The following GLMN variants were observed in gnomAD, a reference collection of about 807,000 sequenced individuals.
GLMN encodes glomulin, FKBP associated protein, also known as glomulin.
GLMN carries 75 observed loss-of-function variants against 87.8 expected under a neutral mutation model. The ratio of observed to expected loss-of-function variants is 0.85; its 90% CI spans 0.71 to 1.04. GLMN has a LOEUF of 1.04. GLMN is among the 50% of genes least tolerant of loss of function. The probability of loss-of-function intolerance (pLI) is 0.00; values close to 1 mark genes in which losing one functional copy is unlikely to be tolerated. For missense variants in GLMN, 588 were observed against 658.8 expected (o/e 0.89, Z 1.18); for synonymous variants, 206 against 221.6 (o/e 0.93, Z 0.63).
chr1:92,354,988 T>C, the GLMN span, among the ~76,000 whole-genome samples: 381 of 151,594 alleles, frequency 2.5e-3, 3 homozygotes, highest in South Asian at 9.4e-3. Flanking sequence ...AATCTCTGCC[T>C]CCCAGGCTCA....
chr1:92,303,216 A>G (rs1269512427), upstream of GLMN, among the ~76,000 whole-genome samples: 1 of 152,182 alleles, frequency 6.6e-6, no homozygotes, highest in East Asian at 1.9e-4. Flanking sequence ...GAACATGACA[A>G]TTCATATTTT....
chr1:92,266,597 A>G (rs1252145512), intron 12 of GLMN, 103 bp downstream of exon 12: 1 of 1,104,410 alleles, frequency 9.1e-7, no homozygotes, highest in East Asian at 2.6e-5. Flanking sequence ...GTACCTCCTA[A>G]ATAAAAATTT....
At position 92,289,026 on chromosome 1, in the gene GLMN, A is replaced by G; in HGVS notation, c.520T>C (p.Cys174Arg). The G allele has an allele frequency of 6.2e-7, 1 of 1,608,788 alleles. No individual in the cohort carries two copies. Residue 174 changes from cysteine to arginine, a missense_variant, in exon 6 of 19, where the codon TGT (cysteine) becomes CGT (arginine). Coordinates refer to ENST00000370360, the MANE Select transcript of GLMN (RefSeq NM_053274.3). Reference protein sequence around the residue: ...EQIQMDDYGLCQCCKALIEFT... With the variant: ...EQIQMDDYGLRQCCKALIEFT... ...TCTATTAAGGCCTTGCAACACTGAC[A>G]AAGGCCATAGTCATCCATTTGTATT... is the stretch of plus-strand genomic sequence containing the variant.
intron 11 of GLMN, 87 bp downstream of exon 11, chr1:92,267,826 A>T: frequency 1.3e-6 from 1 of 782,488 alleles, no homozygotes; most frequent in Non-Finnish European, 2.3e-6. Flanking sequence ...CAGAGAAAAG[A>T]GTGGGAAAGG....
At chr1:92,367,288 T>A in the GLMN span, among the ~76,000 whole-genome samples, 2 of 152,244 alleles carry the variant, frequency 1.3e-5, no homozygotes, top group African/African-American at 4.8e-5. Flanking sequence ...ACCTCTTCTT[T>A]TAGATTCTTT....
chr1:92,333,145 G>T, the GLMN span: 1 of 428,722 alleles, frequency 2.3e-6, no homozygotes, highest in South Asian at 4.8e-5. Flanking sequence ...TAATAAAGGA[G>T]GTATTAATAT....
chr1:92,361,513 G>T, the GLMN span, among the ~76,000 whole-genome samples: 1 of 152,050 alleles, frequency 6.6e-6, no homozygotes, highest in Non-Finnish European at 1.5e-5. Context: ...AACAAAAATA[G>T]TTGCTTACTA....
intron 7 of GLMN, among the ~76,000 whole-genome samples, chr1:92,279,866 C>G (rs1201191106): frequency 6.6e-6 from 1 of 152,180 alleles, no homozygotes; most frequent in Admixed American, 6.5e-5. Context: ...GCGCAGCAGT[C>G]TGAGATCGAC....
At chr1:92,342,399 A>G in the GLMN span, among the ~76,000 whole-genome samples, 1 of 152,136 alleles carries the variant, frequency 6.6e-6, no homozygotes. Flanking sequence ...GTAGAGAGAT[A>G]TGTGGTCAGA....
chr1:92,269,616 A>C, intron 9 of GLMN, 107 bp downstream of exon 9: 2 of 756,596 alleles, frequency 2.6e-6, no homozygotes, highest in Non-Finnish European at 4.8e-6. Context: ...TAAAATAACC[A>C]ATTAATTAAT....
chr1:92,250,261 A>AAACT (rs1653286430), intron 16 of GLMN, among the ~76,000 whole-genome samples: 1 of 151,970 alleles, frequency 6.6e-6, no homozygotes, highest in East Asian at 1.9e-4. Flanking sequence ...CCATTATCTA[A>AAACT]AACTTGAATG....
the GLMN span, chr1:92,307,251 CCAGTATGGG>C: frequency 6.2e-7 from 1 of 1,611,688 alleles, no homozygotes; most frequent in Non-Finnish European, 8.5e-7. Context: ...TCCCAAAACT[CCAGTATGGG>C]TTCGAGAAGA....
chr1:92,335,139 A>G, the GLMN span, among the ~76,000 whole-genome samples: 1 of 152,226 alleles, frequency 6.6e-6, no homozygotes, highest in Non-Finnish European at 1.5e-5. Flanking sequence ...GGGTGTACTA[A>G]TTTACATTCC....
chr1:92,264,464 A>AG (rs373346849), intron 14 of GLMN, 90 bp downstream of exon 14: 19 of 705,750 alleles, frequency 2.7e-5, no homozygotes, highest in African/African-American at 2.3e-4. Flanking sequence ...TACTAGAGAT[A>AG]GAGCAATAAC....
chr1:92,250,250 GC>G (rs1255616603), intron 16 of GLMN, among the ~76,000 whole-genome samples: 1 of 151,826 alleles, frequency 6.6e-6, no homozygotes, highest in African/African-American at 2.4e-5. Context: ...TCAAGAGGTA[GC>G]CATTATCTAA....
At chr1:92,349,784 C>T in the GLMN span, among the ~76,000 whole-genome samples, 3 of 152,036 alleles carry the variant, frequency 2.0e-5, no homozygotes, top group Admixed American at 1.3e-4. Flanking sequence ...AAACATTAGC[C>T]AGGCACAGTG....
intron 16 of GLMN, among the ~76,000 whole-genome samples, chr1:92,255,807 G>T (rs1654150146): frequency 6.6e-6 from 1 of 152,188 alleles, no homozygotes; most frequent in Non-Finnish European, 1.5e-5. Flanking sequence ...AAAGGAGAAA[G>T]TGGGAAAGAT....
At chr1:92,327,376 T>C in the GLMN span, among the ~76,000 whole-genome samples, 1 of 152,248 alleles carries the variant, frequency 6.6e-6, no homozygotes, top group South Asian at 2.1e-4. Context: ...ATTGTCATAT[T>C]TTCCTATTGG....
the GLMN span, among the ~76,000 whole-genome samples, chr1:92,339,538 CT>C: frequency 2.0e-5 from 3 of 152,096 alleles, no homozygotes; most frequent in Admixed American, 2.0e-4. Flanking sequence ...TGCCTGCTCC[CT>C]TCTGGCAGCC....
Sources: allele counts gnomAD v4.1 joint callset (sites outside exome capture counted in the v4.1 genomes callset), GRCh38; gene constraint gnomAD v4.1.1; transcripts MANE v1.5; gene names NCBI Gene and HGNC (gene_info 2026-07-23, HGNC 2026-07-21).